The following NSG2 variants were observed in gnomAD, a reference collection of about 807,000 sequenced individuals.
The protein encoded by NSG2 is neuronal vesicle trafficking-associated protein 2.
A neutral mutation model predicts 16.9 loss-of-function variants in NSG2; 4 were observed. That is an observed-to-expected ratio of 0.24 (90% CI 0.12 to 0.54). The LOEUF (loss-of-function observed/expected upper bound fraction) is 0.54, where lower values mean the gene tolerates loss of function less well. Ranked by LOEUF, NSG2 falls within the 20% of genes least tolerant of loss-of-function variation. NSG2 has a pLI of 0.95. For missense variants in NSG2, 179 were observed against 221.1 expected (o/e 0.81, Z 1.21); for synonymous variants, 98 against 88.7 (o/e 1.11, Z -0.59).
chr5:174,059,461 C>G (rs1237219655), intron 2 of NSG2, among the ~76,000 whole-genome samples: 1 of 152,152 alleles, frequency 6.6e-6, no homozygotes, highest in Non-Finnish European at 1.5e-5. Context: ...CCTAGGAAAT[C>G]TATTGATTTT....
At chr5:174,093,602 T>A (rs538610449) in intron 3 of NSG2, among the ~76,000 whole-genome samples, 3 of 152,180 alleles carry the variant, frequency 2.0e-5, no homozygotes, top group Non-Finnish European at 4.4e-5. Flanking sequence ...AACTTTCTGC[T>A]CAAGCCCTAT....
rs779394394 is a variant in NSG2, at chr5:174,107,293, CT to C, written c.325-20del. ...GAGCAGTTTGCTGAATGACCCCTGA[CT>C]CTGTCTCTTTCTTCCCCAGCACAAA... On this transcript the variant is annotated intron_variant, in intron 4 of 4. Coordinates refer to ENST00000303177, the MANE Select transcript of NSG2 (RefSeq NM_015980.5). The surrounding 1 kb of genome is among the most constrained non-coding windows in gnomAD (Gnocchi z 4.5). The C allele has an allele frequency of 2.1e-5, 32 of 1,531,832 alleles. No individual in the cohort carries two copies. The highest frequency in any genetic ancestry group is 2.6e-5 in the Non-Finnish European group (30 of 1,134,496). 94.9% of individuals were successfully genotyped at this position (1,531,832 alleles called of 1,614,324 possible).
intron 2 of NSG2, among the ~76,000 whole-genome samples, chr5:174,062,376 T>C (rs1581220697): frequency 1.3e-5 from 2 of 152,310 alleles, no homozygotes; most frequent in African/African-American, 2.4e-5. Context: ...ATGCCTGCTA[T>C]ATAGTAAATG....
chr5:174,087,578 G>A (rs955966882), intron 3 of NSG2, among the ~76,000 whole-genome samples: 3 of 151,860 alleles, frequency 2.0e-5, no homozygotes, highest in African/African-American at 7.3e-5. Context: ...CCAAGAGTTT[G>A]AGACCAGCCT....
At chr5:174,048,831 A>G (rs1275667234) in intron 2 of NSG2, among the ~76,000 whole-genome samples, 1 of 152,120 alleles carries the variant, frequency 6.6e-6, no homozygotes, top group Non-Finnish European at 1.5e-5. Flanking sequence ...AGGATAATGC[A>G]TTGTCTCTCA....
At chr5:174,082,725 C>T (rs1368524121) in intron 3 of NSG2, 1 of 152,226 alleles carries the variant, frequency 6.6e-6, no homozygotes, top group African/African-American at 2.4e-5. Flanking sequence ...CATTTACCTC[C>T]TCGTTTTGGT....
At chr5:174,088,599 A>G (rs1233571746) in intron 3 of NSG2, among the ~76,000 whole-genome samples, 1 of 152,196 alleles carries the variant, frequency 6.6e-6, no homozygotes, top group Admixed American at 6.5e-5. Flanking sequence ...CATGGGAACT[A>G]TGGGACAGGG....
chr5:174,073,097 A>G (rs1760271634), intron 3 of NSG2, among the ~76,000 whole-genome samples: 1 of 152,208 alleles, frequency 6.6e-6, no homozygotes, highest in South Asian at 2.1e-4. Flanking sequence ...TGGTTGCCTC[A>G]TTTCCAGTAT....
At chr5:174,096,916 A>T (rs1232472056) in intron 3 of NSG2, among the ~76,000 whole-genome samples, 2 of 152,102 alleles carry the variant, frequency 1.3e-5, no homozygotes, top group East Asian at 3.9e-4. Context: ...CCATGATATA[A>T]CTTGGTGCCT....
At chr5:174,081,841 G>A (rs182192523) in intron 3 of NSG2, among the ~76,000 whole-genome samples, 1 of 132,646 alleles carries the variant, frequency 7.5e-6, no homozygotes, top group African/African-American at 3.0e-5. Flanking sequence ...AGTGAGCCAA[G>A]ATGGCACCAC....
rs1554100029 is a variant in NSG2, at chr5:174,046,740, G to A, written c.-16G>A. On this transcript the variant is annotated 5_prime_UTR_variant, in exon 2 of 5. Transcript: ENST00000303177. ...ATCCCACTGCTTGCCTTAGGTCTGG[G>A]AAGAAAGGCGTAAGGATGGTGAAGC... 6.2e-7 allele frequency: 1 copy of A among 1,613,868 alleles called. No individual in the cohort carries two copies. Among genetic ancestry groups the A allele is most frequent in the South Asian group, 1.1e-5 (1 of 91,038 alleles).
intron 3 of NSG2, among the ~76,000 whole-genome samples, chr5:174,079,693 C>T (rs1197423354): frequency 6.6e-6 from 1 of 152,142 alleles, no homozygotes; most frequent in African/African-American, 2.4e-5. Context: ...TTGCTACCTC[C>T]CAAAGCTACA....
Position 174,048,083 on chromosome 5 carries a change from G to A in NSG2, c.129+1199G>A, listed in dbSNP as rs78219970. On this transcript the variant is annotated intron_variant, in intron 2 of 4. Transcript: ENST00000303177. Reference sequence around the variant, plus strand: ...TGTCAATAGGAGAACGTGCAGGGGTGGGGTGGCAGACAGAGAGAATTCTTA... The same window carrying A: ...TGTCAATAGGAGAACGTGCAGGGGTAGGGTGGCAGACAGAGAGAATTCTTA... Among the ~76,000 whole-genome samples the A allele has an allele frequency of 9.4e-3, 1,437 of 152,324 alleles. 16 individuals are homozygous for A. Among genetic ancestry groups the A allele is most frequent in the African/African-American group, 0.033 (1,373 of 41,568 alleles).
chr5:174,056,884 A>C (rs555148028), intron 2 of NSG2, among the ~76,000 whole-genome samples: 2 of 152,344 alleles, frequency 1.3e-5, no homozygotes, highest in Non-Finnish European at 2.9e-5. Flanking sequence ...TGTACTTTGC[A>C]CTGTCTGAAC....
chr5:174,075,586 A>G (rs1561667025), intron 3 of NSG2, among the ~76,000 whole-genome samples: 1 of 152,176 alleles, frequency 6.6e-6, no homozygotes, highest in Admixed American at 6.5e-5. Flanking sequence ...CAAAAGGGAA[A>G]AAGAGAAGCG....
chr5:174,090,365 C>T (rs1038272785), intron 3 of NSG2, among the ~76,000 whole-genome samples: 5 of 152,284 alleles, frequency 3.3e-5, no homozygotes, highest in African/African-American at 4.8e-5. Context: ...GGGCAACGTC[C>T]GCCAGGGAAG....
chr5:174,093,309 C>A (rs184851000), intron 3 of NSG2, among the ~76,000 whole-genome samples: 1 of 152,330 alleles, frequency 6.6e-6, no homozygotes, highest in East Asian at 1.9e-4. Context: ...CTAGGATAGG[C>A]TAGGCCTATC....
chr5:174,095,057 G>A (rs568906152), intron 3 of NSG2, among the ~76,000 whole-genome samples: 1 of 152,346 alleles, frequency 6.6e-6, no homozygotes, highest in South Asian at 2.1e-4. Flanking sequence ...GAGGTGACAT[G>A]GTGAGTTGGG....
intron 2 of NSG2, among the ~76,000 whole-genome samples, chr5:174,057,490 CTA>C (rs3042961): frequency 0.14 from 21,305 of 152,120 alleles, 2,073 homozygotes; most frequent in African/African-American, 0.27. Context: ...GAACAAAACA[CTA>C]AGCTTTATGA....
Sources: allele counts gnomAD v4.1 joint callset (sites outside exome capture counted in the v4.1 genomes callset), GRCh38; gene constraint gnomAD v4.1.1; non-coding constraint Gnocchi (gnomAD v3.1); transcripts MANE v1.5; gene names NCBI Gene and HGNC (gene_info 2026-07-23, HGNC 2026-07-21).